Variants in UTRN observed in about 807,000 individuals in gnomAD.
UTRN encodes dystrophin-related protein 1.
A neutral mutation model predicts 463.9 loss-of-function variants in UTRN; 283 were observed. The observed-to-expected ratio is 0.61, with a 90% CI of 0.55 to 0.67. The LOEUF is 0.67. Ranked by LOEUF, UTRN falls within the 30% of genes least tolerant of loss-of-function variation. UTRN has a pLI of 0.00. For synonymous variants in UTRN, 1,442 were observed against 1,431.5 expected (o/e 1.01, Z -0.17); for missense variants, 3,922 against 4,084.3 (o/e 0.96, Z 1.08).
At chr6:144,292,188 C>G (rs191211929) in intron 2 of UTRN, among the ~76,000 whole-genome samples, 2 of 152,098 alleles carry the variant, frequency 1.3e-5, no homozygotes, top group Admixed American at 6.5e-5. Flanking sequence ...AAATAAAATA[C>G]GACCGAACAT....
At chr6:144,486,681 C>T (rs1242638329) in intron 28 of UTRN, among the ~76,000 whole-genome samples, 2 of 152,164 alleles carry the variant, frequency 1.3e-5, no homozygotes, top group African/African-American at 4.8e-5. Context: ...GCCACTACCC[C>T]AGCTAATTTT....
In UTRN at chr6:144,511,071, C is replaced by T. The variant is rs1386318667; in HGVS notation, c.4892C>T (p.Ala1631Val). ...GAAGAGAGGCTCTGCGTCCTTAACG[C>T]TGGGTGGAGCCGAGTTCGTACCTGG... is the stretch of plus-strand genomic sequence containing the variant. Reference protein sequence around the residue: ...ILEERLCVLNAGWSRVRTWTE... With the variant: ...ILEERLCVLNVGWSRVRTWTE... Residue 1631 changes from alanine (A) to valine (V), a missense_variant, in exon 35 of 75, where the codon GCT becomes GTT. This residue lies in a region of UTRN where 2,349 missense variants were observed against 2,303.8 expected (regional missense o/e 1.02). Transcript: ENST00000367545. 6.2e-7 allele frequency: 1 copy of T among 1,610,766 alleles called. No individual in the cohort carries two copies. The highest frequency in any genetic ancestry group is 2.2e-5 in the East Asian group (1 of 44,702).
intron 51 of UTRN, among the ~76,000 whole-genome samples, chr6:144,609,485 G>A (rs1355783907): frequency 6.6e-6 from 1 of 152,170 alleles, no homozygotes; most frequent in Non-Finnish European, 1.5e-5. Context: ...GCAGTGCTAA[G>A]ATAGCAAGGG....
intron 51 of UTRN, among the ~76,000 whole-genome samples, chr6:144,637,864 C>CT (rs768838670): frequency 2.7e-4 from 40 of 150,782 alleles, no homozygotes; most frequent in Non-Finnish European, 4.6e-4. Context: ...TAATGTTCTT[C>CT]TTTTTCTGAA....
rs375508056 is a variant in UTRN, at chr6:144,554,858, C to T, written c.7099C>T (p.Arg2367Trp). Residue 2367 changes from arginine to tryptophan, a missense_variant, in exon 49 of 75, where the codon CGG (arginine) becomes TGG (tryptophan). Coordinates refer to ENST00000367545, the MANE Select transcript of UTRN (RefSeq NM_007124.3). The part of the protein sequence containing the change: ...ARLYILQQAR[R>W]DPLTKQISDN... ...ACTCTATATTCTTCAGCAAGCCCGA[C>T]GGGATCCACTCACCAAACAAATTTC... 49 of 1,613,842 alleles carry T rather than the reference C, an allele frequency of 3.0e-5. No individual in the cohort carries two copies. Among genetic ancestry groups the T allele is most frequent in the Middle Eastern group, 1.6e-4 (1 of 6,080 alleles).
chr6:144,768,819 G>C (rs1265063607), intron 58 of UTRN, among the ~76,000 whole-genome samples: 1 of 152,068 alleles, frequency 6.6e-6, no homozygotes, highest in Non-Finnish European at 1.5e-5. Context: ...CCACAACAAA[G>C]ACCTTCACAA....
intron 36 of UTRN, among the ~76,000 whole-genome samples, chr6:144,514,331 A>G (rs552353707): frequency 7.2e-5 from 11 of 152,302 alleles, no homozygotes; most frequent in Non-Finnish European, 1.5e-4. Flanking sequence ...AGTGCTGCTT[A>G]CTTCTGTATT....
intron 3 of UTRN, among the ~76,000 whole-genome samples, chr6:144,413,069 C>T (rs1458299547): frequency 2.6e-5 from 4 of 152,100 alleles, no homozygotes; most frequent in Non-Finnish European, 5.9e-5. Context: ...TTTCTTTGTA[C>T]AATTTTGGCA....
intron 65 of UTRN, among the ~76,000 whole-genome samples, chr6:144,813,692 A>G (rs572781973): frequency 6.6e-6 from 1 of 152,368 alleles, no homozygotes; most frequent in South Asian, 2.1e-4. Context: ...ACAAGACATC[A>G]CTGCCTGTAT....
At chr6:144,483,347 G>A (rs1437980150) in intron 27 of UTRN, among the ~76,000 whole-genome samples, 1 of 152,158 alleles carries the variant, frequency 6.6e-6, no homozygotes, top group African/African-American at 2.4e-5. Context: ...TTGCATCTGA[G>A]CAGATTTTTG....
At chr6:144,727,005 C>T (rs1274832661) in intron 53 of UTRN, among the ~76,000 whole-genome samples, 1 of 152,218 alleles carries the variant, frequency 6.6e-6, no homozygotes, top group Non-Finnish European at 1.5e-5. Flanking sequence ...TCCCTCCCCA[C>T]ACCCCTGCAC....
intron 51 of UTRN, among the ~76,000 whole-genome samples, chr6:144,614,280 A>G (rs1251753498): frequency 6.6e-6 from 1 of 152,124 alleles, no homozygotes. Flanking sequence ...AGAAACAGTA[A>G]AGCATGGAGA....
intron 51 of UTRN, among the ~76,000 whole-genome samples, chr6:144,630,163 G>T (rs1776361153): frequency 6.6e-6 from 1 of 152,166 alleles, no homozygotes. Context: ...ACTCCAGCCT[G>T]GGTGACAGAG....
At chr6:144,338,115 A>C (rs1037977865) in intron 2 of UTRN, among the ~76,000 whole-genome samples, 1 of 152,218 alleles carries the variant, frequency 6.6e-6, no homozygotes, top group African/African-American at 2.4e-5. Flanking sequence ...ACCATCCTTG[A>C]CATTACTTTT....
At chr6:144,728,072 G>C (rs1788088337) in intron 53 of UTRN, among the ~76,000 whole-genome samples, 1 of 143,622 alleles carries the variant, frequency 7.0e-6, no homozygotes, top group African/African-American at 2.7e-5. Flanking sequence ...CTTCACTCCA[G>C]CCTGGGTGAC....
At chr6:144,381,101 A>C (rs946730394) in intron 2 of UTRN, among the ~76,000 whole-genome samples, 5 of 151,378 alleles carry the variant, frequency 3.3e-5, no homozygotes, top group African/African-American at 1.2e-4. Flanking sequence ...GGGTTTGTTT[A>C]CGGATTATTT....
At chr6:144,562,566 G>T (rs540009854) in intron 50 of UTRN, among the ~76,000 whole-genome samples, 1 of 151,970 alleles carries the variant, frequency 6.6e-6, no homozygotes, top group Non-Finnish European at 1.5e-5. Context: ...AATATTCCTC[G>T]GTATATAGGT....
At chr6:144,757,204 T>C (rs1273565191) in intron 57 of UTRN, among the ~76,000 whole-genome samples, 1 of 147,588 alleles carries the variant, frequency 6.8e-6, no homozygotes, top group Non-Finnish European at 1.5e-5. Context: ...AGGAATAATA[T>C]ATTTTTTATA....
chr6:144,529,009 A>G (rs1186159793), intron 41 of UTRN, among the ~76,000 whole-genome samples: 1 of 152,158 alleles, frequency 6.6e-6, no homozygotes, highest in Non-Finnish European at 1.5e-5. Context: ...TTCCCAGGCC[A>G]GTGGAGTTAT....
Sources: allele counts gnomAD v4.1 joint callset (sites outside exome capture counted in the v4.1 genomes callset), GRCh38; gene constraint gnomAD v4.1.1; regional missense constraint gnomAD v4.1.1; transcripts MANE v1.5; gene names NCBI Gene and HGNC (gene_info 2026-07-23, HGNC 2026-07-21).